KIF16B: variants seen among roughly 807,000 people sequenced by gnomAD.
KIF16B encodes kinesin-like protein KIF16B.
KIF16B carries 98 observed loss-of-function variants against 156.3 expected under a neutral mutation model. The ratio of observed to expected loss-of-function variants is 0.63; its 90% confidence interval spans 0.53 to 0.74. The LOEUF (loss-of-function observed/expected upper bound fraction) is 0.74. Among genes scored for constraint, KIF16B ranks in the 30% least tolerant of loss-of-function variants. The probability of loss-of-function intolerance (pLI) is 0.00; values close to 1 mark genes in which losing one functional copy is unlikely to be tolerated. For missense variants in KIF16B, 1,421 were observed against 1,606.5 expected (o/e 0.88, Z 1.97); for synonymous variants, 564 against 583.7 (o/e 0.97, Z 0.49).
chr20:16,306,697 C>G (rs2063545596), intron 25 of KIF16B, among the ~76,000 whole-genome samples: 1 of 152,130 alleles, frequency 6.6e-6, no homozygotes, highest in Admixed American at 6.6e-5. Context: ...TCCCCTGGCT[C>G]TTAAAACAGC....
intron 17 of KIF16B, among the ~76,000 whole-genome samples, chr20:16,393,053 C>A (rs976601024): frequency 1.6e-4 from 24 of 152,014 alleles, no homozygotes; most frequent in Non-Finnish European, 8.8e-5. Flanking sequence ...AGAAAAAGCA[C>A]ACAATTAAAT....
chr20:16,294,327 G>A (rs1265337363), intron 25 of KIF16B, among the ~76,000 whole-genome samples: 1 of 152,218 alleles, frequency 6.6e-6, no homozygotes, highest in Non-Finnish European at 1.5e-5. Context: ...TCCTCTGAAA[G>A]CAGAGCCTGA....
intron 17 of KIF16B, among the ~76,000 whole-genome samples, chr20:16,389,828 C>T (rs779387687): frequency 6.6e-6 from 1 of 152,176 alleles, no homozygotes; most frequent in South Asian, 2.1e-4. Flanking sequence ...CATCAGGTTT[C>T]CAGCTCTTCA....
In KIF16B at chr20:16,490,947, C is replaced by G. The variant is rs192466578; in HGVS notation, c.1302+3344G>C. On this transcript the variant is annotated intron_variant, in intron 12 of 25. Coordinates refer to ENST00000354981, the MANE Select transcript of KIF16B (RefSeq NM_024704.5). ...AGACAGTCCTTGGCCAGATCCTGCT[C>G]CTGTTTTTCTGTGTGTAAGAGTTGG... Among the ~76,000 whole-genome samples the G allele has an allele frequency of 5.9e-5, 9 of 152,270 alleles. No homozygotes were observed. In the East Asian group the frequency reaches 1.7e-3, roughly 29 times the overall value.
intron 12 of KIF16B, among the ~76,000 whole-genome samples, chr20:16,477,424 A>T (rs1358959691): frequency 6.6e-6 from 1 of 152,190 alleles, no homozygotes; most frequent in Non-Finnish European, 1.5e-5. Flanking sequence ...TTGCATTGAA[A>T]TCGGCATAGA....
chr20:16,378,783 C>T (rs763370889), intron 19 of KIF16B, 22 bp downstream of exon 19: 1 of 1,569,702 alleles, frequency 6.4e-7, no homozygotes, highest in African/African-American at 1.4e-5. Flanking sequence ...CTGTATGCCA[C>T]ACCCTTCCTT....
intron 12 of KIF16B, among the ~76,000 whole-genome samples, chr20:16,474,378 C>T (rs548286158): frequency 1.5e-4 from 23 of 152,268 alleles, no homozygotes; most frequent in Admixed American, 1.3e-4. Context: ...TTCCAATGTA[C>T]ATAAACATGT....
At chr20:16,337,218 T>C (rs2064055821) in intron 23 of KIF16B, among the ~76,000 whole-genome samples, 2 of 152,142 alleles carry the variant, frequency 1.3e-5, no homozygotes, top group African/African-American at 4.8e-5. Flanking sequence ...GAACTTAACT[T>C]GCACATAAGG....
At chr20:16,490,665 A>C (rs2068262568) in intron 12 of KIF16B, among the ~76,000 whole-genome samples, 1 of 152,208 alleles carries the variant, frequency 6.6e-6, no homozygotes, top group Non-Finnish European at 1.5e-5. Flanking sequence ...ACCATCTGCA[A>C]GCCAAGGATG....
At chr20:16,568,643 G>A (rs1359043592) in intron 1 of KIF16B, among the ~76,000 whole-genome samples, 16 of 151,890 alleles carry the variant, frequency 1.1e-4, no homozygotes, top group East Asian at 2.0e-4. Context: ...GGGAGACCCC[G>A]TCTCTACAAA....
chr20:16,353,581 G>T lies in KIF16B; in HGVS notation c.3621+2749C>A, dbSNP rs562589861. ...CCACTCCTCATACCAACCCAATGAGGGGGGGGTTTATGATTCCCATTTGAC... is the reference window on the plus strand; with the variant it reads ...CCACTCCTCATACCAACCCAATGAGTGGGGGGTTTATGATTCCCATTTGAC... On this transcript the variant is annotated intron_variant, in intron 23 of 25. Transcript: ENST00000354981. Among the ~76,000 whole-genome samples the T allele has an allele frequency of 5.9e-5, 9 of 152,262 alleles. No homozygotes were observed. The East Asian group carries it at 1.5e-3, about 26-fold the overall frequency.
chr20:16,368,519 GGC>G lies in KIF16B; in HGVS notation c.3498+2065_3498+2066del, dbSNP rs1353491263. 4 of 986,126 alleles carry G rather than the reference GGC, an allele frequency of 4.1e-6. No individual in the cohort carries two copies. The East Asian group carries it at 4.5e-4, about 112-fold the overall frequency. The allele number at this position is 986,126 out of a possible 1,614,324, so 61.1% of individuals were successfully genotyped here. On this transcript the variant is annotated intron_variant, in intron 22 of 25. Coordinates refer to ENST00000354981, the MANE Select transcript of KIF16B (RefSeq NM_024704.5). ...CACAGATTCCCCACAAGCCTGGCTT[GGC>G]TGATCACCTTTGTGCCAGCCTGAAG...
chr20:16,341,622 C>T (rs190751566), intron 23 of KIF16B, among the ~76,000 whole-genome samples: 14 of 152,344 alleles, frequency 9.2e-5, no homozygotes, highest in African/African-American at 2.6e-4. Flanking sequence ...TTTCAGTTTA[C>T]TGTCTAAACC....
At chr20:16,490,057 G>A (rs1316869218) in intron 12 of KIF16B, among the ~76,000 whole-genome samples, 1 of 152,142 alleles carries the variant, frequency 6.6e-6, no homozygotes, top group Non-Finnish European at 1.5e-5. Flanking sequence ...CTGCCCACTA[G>A]GTCATCAGAT....
intron 24 of KIF16B, among the ~76,000 whole-genome samples, chr20:16,334,722 A>G (rs928421571): frequency 6.6e-6 from 1 of 151,588 alleles, no homozygotes; most frequent in African/African-American, 2.4e-5. Flanking sequence ...AGAGTCTAGG[A>G]CCCCCTCCTT....
At position 16,391,157 on chromosome 20, in the gene KIF16B, C is replaced by G. The variant is rs182094642; in HGVS notation, c.1785-9410G>C. Among the ~76,000 whole-genome samples the G allele has an allele frequency of 1.3e-3, 196 of 152,202 alleles. 2 individuals carry two copies. The Middle Eastern group carries it at 0.027, about 21-fold the overall frequency. On this transcript the variant is annotated intron_variant, in intron 17 of 25. Coordinates refer to ENST00000354981, the MANE Select transcript of KIF16B (RefSeq NM_024704.5). Reference sequence around the variant, plus strand: ...ACAAATGAGAGGTACACAGAGGAAGCTATACAGAGCCTCAGCTGGCTACTG... The same window carrying G: ...ACAAATGAGAGGTACACAGAGGAAGGTATACAGAGCCTCAGCTGGCTACTG...
At chr20:16,436,373 T>A (rs2066640661) in intron 12 of KIF16B, among the ~76,000 whole-genome samples, 2 of 152,114 alleles carry the variant, frequency 1.3e-5, no homozygotes, top group African/African-American at 4.8e-5. Context: ...CTGGGCTCCC[T>A]AATGATTGGG....
In KIF16B at chr20:16,357,584, T is replaced by C. The variant is rs552450019; in HGVS notation, c.3499-1132A>G. Among the ~76,000 whole-genome samples the C allele has an allele frequency of 2.2e-3, 331 of 152,348 alleles. 1 individual carries two copies. The highest frequency in any genetic ancestry group is 3.7e-3 in the Non-Finnish European group (254 of 68,030). On this transcript the variant is annotated intron_variant, in intron 22 of 25. Coordinates refer to ENST00000354981, the MANE Select transcript of KIF16B (RefSeq NM_024704.5). Reference sequence around the variant, plus strand: ...CCATGGTTATGCAATGGAACCCACTTATGTGACTATAAAGAAAACAGGGGG... The same window carrying C: ...CCATGGTTATGCAATGGAACCCACTCATGTGACTATAAAGAAAACAGGGGG...
intron 24 of KIF16B, among the ~76,000 whole-genome samples, chr20:16,315,179 T>G (rs975290068): frequency 6.6e-5 from 10 of 152,156 alleles, no homozygotes; most frequent in Non-Finnish European, 1.2e-4. Context: ...TGGCGTTCCC[T>G]CTCCAGACCC....
Sources: allele counts gnomAD v4.1 joint callset (sites outside exome capture counted in the v4.1 genomes callset), GRCh38; gene constraint gnomAD v4.1.1; transcripts MANE v1.5; gene names NCBI Gene and HGNC (gene_info 2026-07-23, HGNC 2026-07-21).